The following DOCK5 variants were observed in gnomAD, a reference collection of about 807,000 sequenced individuals.
DOCK5 encodes the protein dedicator of cytokinesis 5.
In DOCK5, 142 loss-of-function variants were observed where a neutral mutation model predicts 251.8. The ratio of observed to expected loss-of-function variants is 0.56; its 90% CI spans 0.49 to 0.65. DOCK5 has a LOEUF of 0.65. DOCK5 is among the 30% of genes least tolerant of loss of function. DOCK5 has a pLI of 0.00. For missense variants in DOCK5, 2,111 were observed against 2,312.3 expected (o/e 0.91, Z 1.79); for synonymous variants, 842 against 835.5 (o/e 1.01, Z -0.13).
intron 27 of DOCK5, 35 bp downstream of exon 27, chr8:25,351,861 C>G: frequency 6.3e-7 from 1 of 1,580,312 alleles, no homozygotes; most frequent in South Asian, 1.1e-5. Flanking sequence ...ACGGCCGCTG[C>G]TGTTTCTCTG....
At chr8:25,407,418 C>T (rs764962263) in intron 48 of DOCK5, among the ~76,000 whole-genome samples, 6 of 152,152 alleles carry the variant, frequency 3.9e-5, no homozygotes, top group African/African-American at 1.2e-4. Context: ...TTTGCCTGTA[C>T]ATTGAATTAA....
Position 25,211,536 on chromosome 8 carries a change from G to A in DOCK5, c.43+26585G>A, listed in dbSNP as rs527534166. On this transcript the variant is annotated intron_variant, in intron 1 of 51. Coordinates refer to ENST00000276440, the MANE Select transcript of DOCK5 (RefSeq NM_024940.8). Reference sequence around the variant, plus strand: ...AAAATGCTGTCTGTGGCCAGGCACAGTGGCTCATGCTTGTAATCCCAACAC... The same window carrying A: ...AAAATGCTGTCTGTGGCCAGGCACAATGGCTCATGCTTGTAATCCCAACAC... 9.8e-5 allele frequency among the ~76,000 whole-genome samples: 7 copies of A among 71,792 alleles called. 3 individuals are homozygous for A. The highest frequency in any genetic ancestry group is 7.4e-4 in the South Asian group (2 of 2,696). 47.1% of individuals were successfully genotyped at this position (71,792 alleles called of 152,430 possible). A position where few individuals can be genotyped will look rare whatever the true frequency, so the allele number is the denominator to read the frequency against.
chr8:25,219,010 A>G (rs1802317172), intron 1 of DOCK5, among the ~76,000 whole-genome samples: 2 of 152,142 alleles, frequency 1.3e-5, no homozygotes, highest in Non-Finnish European at 1.5e-5. Flanking sequence ...TTCTTTTGGT[A>G]TTCATATTGA....
chr8:25,401,169 T>C, intron 47 of DOCK5, 103 bp downstream of exon 47: 3 of 1,485,922 alleles, frequency 2.0e-6, no homozygotes, highest in Non-Finnish European at 2.8e-6. Flanking sequence ...ATAACTTAGC[T>C]ATGGCATGGA....
intron 2 of DOCK5, among the ~76,000 whole-genome samples, chr8:25,260,817 A>T (rs1243033744): frequency 6.6e-6 from 1 of 150,696 alleles, no homozygotes; most frequent in African/African-American, 2.4e-5. Flanking sequence ...TTTTAAACGG[A>T]CAGAATCTTG....
At chr8:25,326,228 C>T (rs186805182) in intron 18 of DOCK5, among the ~76,000 whole-genome samples, 292 of 152,240 alleles carry the variant, frequency 1.9e-3, no homozygotes, top group Middle Eastern at 6.8e-3. Flanking sequence ...AGGGGACTTG[C>T]GCTAGAAATT....
chr8:25,395,626 C>T lies in DOCK5; in HGVS notation c.4611C>T (p.Ala1537=), dbSNP rs371668836. 2.5e-6 allele frequency: 4 copies of T among 1,613,528 alleles called. No individual in the cohort carries two copies. The African/African-American group carries it at 5.3e-5, about 22-fold the overall frequency. The change falls in exon 45 of 52, where the codon GCC becomes GCT. Residue 1537 remains alanine (A), a synonymous_variant. Transcript: ENST00000276440. ...TCAGCAACTGTGTTCAGCAGCATGC[C>T]TGGGACCGGTCCCTCTCTGTGCACC... ...ERISNCVQQH[A]WDRSLSVHPL...
chr8:25,305,900 C>T (rs1055870762), intron 11 of DOCK5, among the ~76,000 whole-genome samples: 7 of 151,970 alleles, frequency 4.6e-5, no homozygotes, highest in African/African-American at 1.7e-4. Flanking sequence ...GATTTTGCTC[C>T]TGTTTTTGTT....
At chr8:25,410,350 T>C (rs1212058556) in intron 51 of DOCK5, 148 bp downstream of exon 51, 67 of 669,968 alleles carry the variant, frequency 1.0e-4, no homozygotes, top group Non-Finnish European at 1.5e-4. Flanking sequence ...CCACAGGAGA[T>C]AGAGAAGTTT....
intron 13 of DOCK5, among the ~76,000 whole-genome samples, chr8:25,316,523 T>C (rs1410073642): frequency 6.6e-6 from 1 of 152,128 alleles, no homozygotes; most frequent in East Asian, 1.9e-4. Context: ...AGAAAGAGTG[T>C]CTACCTCATC....
chr8:25,289,217 C>T (rs1804420304), intron 5 of DOCK5, among the ~76,000 whole-genome samples: 1 of 152,130 alleles, frequency 6.6e-6, no homozygotes, highest in African/African-American at 2.4e-5. Flanking sequence ...AATCTGTGTC[C>T]TTAGGATCGT....
chr8:25,281,849 A>C (rs1804201583), intron 5 of DOCK5, among the ~76,000 whole-genome samples: 1 of 147,596 alleles, frequency 6.8e-6, no homozygotes, highest in East Asian at 2.0e-4. Flanking sequence ...ATTGCACTCC[A>C]GACTGGGAGA....
intron 14 of DOCK5, 200 bp downstream of exon 14, chr8:25,317,331 AT>A: frequency 1.8e-6 from 1 of 557,116 alleles, no homozygotes; most frequent in South Asian, 3.3e-5. Flanking sequence ...CTAGACTCTT[AT>A]TTTTATATTT....
In DOCK5 at chr8:25,266,019, G is replaced by A. The variant is rs188461847; in HGVS notation, c.128-2826G>A. Among the ~76,000 whole-genome samples the A allele has an allele frequency of 6.8e-4, 103 of 151,928 alleles. 4 individuals are homozygous for A. The highest frequency in any genetic ancestry group is 2.3e-3 in the African/African-American group (96 of 41,282). On this transcript the variant is annotated intron_variant, in intron 2 of 51. Transcript: ENST00000276440. ...ATAGAATACGTTGGTGTTCACCATG[G>A]TTGCCATGAATTTGCTTTTTGCAAC... is the stretch of plus-strand genomic sequence containing the variant.
chr8:25,398,228 A>C (rs998676667), intron 45 of DOCK5, among the ~76,000 whole-genome samples: 1 of 152,224 alleles, frequency 6.6e-6, no homozygotes, highest in South Asian at 2.1e-4. Context: ...TACCAAAAAC[A>C]AAATTGTTAC....
intron 47 of DOCK5, 78 bp downstream of exon 47, chr8:25,401,144 G>T: frequency 6.4e-7 from 1 of 1,568,622 alleles, no homozygotes; most frequent in Non-Finnish European, 8.7e-7. Flanking sequence ...TTTTTCAGAT[G>T]CCAAGTGAGT....
intron 40 of DOCK5, among the ~76,000 whole-genome samples, chr8:25,384,405 A>G (rs1388218366): frequency 6.6e-6 from 1 of 151,414 alleles, no homozygotes; most frequent in East Asian, 1.9e-4. Context: ...ATTTTACTGT[A>G]TGTAGATTAT....
chr8:25,320,934 A>T (rs746144901), intron 15 of DOCK5, 46 bp from the exon 16 acceptor site: 6 of 1,543,084 alleles, frequency 3.9e-6, no homozygotes, highest in Non-Finnish European at 4.5e-6. Flanking sequence ...CCATGCTTGC[A>T]AAGTACTGTG....
intron 2 of DOCK5, among the ~76,000 whole-genome samples, chr8:25,253,152 GGT>G (rs1803317848): frequency 1.3e-5 from 2 of 152,148 alleles, no homozygotes; most frequent in Admixed American, 1.3e-4. Context: ...ACGTGATTCA[GGT>G]ATAGGCATAT....
Sources: gnomAD v4.1 joint callset for allele counts (sites outside exome capture counted in the v4.1 genomes callset) on GRCh38, gnomAD v4.1.1 for gene constraint, MANE v1.5 for transcripts, NCBI Gene and HGNC (gene_info 2026-07-23, HGNC 2026-07-21) for gene names.